Variants in KALRN observed in about 807,000 individuals in gnomAD.
KALRN encodes the protein kalirin.
Under a neutral mutation model 353.7 loss-of-function variants are expected in KALRN, and 70 were observed. The ratio of observed to expected loss-of-function variants is 0.20; its 90% confidence interval spans 0.16 to 0.24. KALRN has a LOEUF of 0.24. Ranked by LOEUF, KALRN falls within the 10% of genes least tolerant of loss-of-function variation. The pLI is 1.00. For missense variants in KALRN, 2,791 were observed against 3,756.7 expected, an observed-to-expected ratio of 0.74 and a Z score of 6.72; for synonymous variants, 1,391 against 1,434.8, an observed-to-expected ratio of 0.97 and a Z score of 0.69.
At position 124,438,994 on chromosome 3, in the gene KALRN, C is replaced by A. The variant is rs1420514784; in HGVS notation, c.3155C>A (p.Pro1052His). 1 of 1,614,016 alleles carries A rather than the reference C, an allele frequency of 6.2e-7. No homozygotes were observed. The highest frequency in any genetic ancestry group is 8.5e-7 in the Non-Finnish European group (1 of 1,180,004). ...GPAAEIDHVI[P>H]LISKHLEQKE... ...GCAGCAGAGATCGACCATGTCATTCCCCTCATCAGCAAACATTTGGAACAA... is the reference window on the plus strand; with the variant it reads ...GCAGCAGAGATCGACCATGTCATTCACCTCATCAGCAAACATTTGGAACAA... Residue 1052 changes from proline to histidine, a missense_variant, in exon 18 of 60, where the codon CCC becomes CAC. Physicochemically the swap from Pro to His is moderately conservative, Grantham distance 77. Coordinates refer to ENST00000682506, the MANE Select transcript of KALRN (RefSeq NM_001388419.1).
At chr3:124,642,872 A>C (rs1436475359) in intron 37 of KALRN, among the ~76,000 whole-genome samples, 1 of 127,684 alleles carries the variant, frequency 7.8e-6, no homozygotes, top group East Asian at 2.9e-4. Flanking sequence ...GCTGGAGTGC[A>C]ATGGCGTGAT....
intron 1 of KALRN, among the ~76,000 whole-genome samples, chr3:124,138,405 G>C (rs1036350741): frequency 2.0e-5 from 3 of 152,162 alleles, no homozygotes; most frequent in African/African-American, 7.2e-5. Context: ...TACCAAAGAG[G>C]TTCTGTTGCC....
intron 10 of KALRN, among the ~76,000 whole-genome samples, chr3:124,366,547 A>G (rs1192264839): frequency 6.7e-6 from 1 of 149,650 alleles, no homozygotes; most frequent in Non-Finnish European, 1.5e-5. Flanking sequence ...ACAGGATCCC[A>G]AGGCAGAAGA....
chr3:124,604,479 G>C (rs12493681), intron 34 of KALRN, among the ~76,000 whole-genome samples: 37,093 of 151,978 alleles, frequency 0.24, 4,712 homozygotes, highest in East Asian at 0.32. Context: ...GTGCTTAATG[G>C]TGGAAAATAG....
At chr3:124,352,979 G>A (rs1022889674) in intron 10 of KALRN, among the ~76,000 whole-genome samples, 2 of 152,056 alleles carry the variant, frequency 1.3e-5, no homozygotes, top group African/African-American at 2.4e-5. Context: ...AAACCTGCAC[G>A]TTGTGCACAC....
At chr3:124,436,952 G>T (rs1418259192) in intron 17 of KALRN, among the ~76,000 whole-genome samples, 1 of 144,992 alleles carries the variant, frequency 6.9e-6, no homozygotes, top group Non-Finnish European at 1.5e-5. Context: ...CTCATGTGAT[G>T]CTAGAGATGG....
chr3:124,671,908 A>G lies in KALRN; in HGVS notation c.6942+10A>G. 1 of 1,573,460 alleles carries G rather than the reference A, an allele frequency of 6.4e-7. No homozygotes were observed. The highest frequency in any genetic ancestry group is 8.7e-7 in the Non-Finnish European group (1 of 1,143,452). On this transcript the variant is annotated intron_variant, in intron 48 of 59. Transcript: ENST00000682506. ...GTTCGAAGCCAGCAAGGTAAGTGAC[A>G]ACTCATTACTCCCACCCTTGTCACT...
At chr3:124,113,572 C>T (rs1172321745) in intron 1 of KALRN, among the ~76,000 whole-genome samples, 1 of 152,218 alleles carries the variant, frequency 6.6e-6, no homozygotes, top group Non-Finnish European at 1.5e-5. Context: ...CAGCTTCAGG[C>T]TGTACCTGTG....
At chr3:124,245,704 C>T (rs2081047933) in intron 3 of KALRN, among the ~76,000 whole-genome samples, 1 of 151,148 alleles carries the variant, frequency 6.6e-6, no homozygotes. Context: ...TTTTTAGTAG[C>T]CATTCTAAAT....
At chr3:124,474,622 T>G in intron 25 of KALRN, 41 bp from the exon 26 acceptor site, 1 of 1,542,638 alleles carries the variant, frequency 6.5e-7, no homozygotes, top group Non-Finnish European at 9.0e-7. Context: ...GGGGGTCAGC[T>G]GCACAGAGGT....
intron 1 of KALRN, among the ~76,000 whole-genome samples, chr3:124,130,912 A>G (rs1333342412): frequency 6.6e-6 from 1 of 152,184 alleles, no homozygotes; most frequent in Non-Finnish European, 1.5e-5. Flanking sequence ...ATATGACCAA[A>G]CAAACCTAAT....
intron 10 of KALRN, among the ~76,000 whole-genome samples, chr3:124,377,946 A>G (rs1346064428): frequency 6.6e-6 from 1 of 152,042 alleles, no homozygotes; most frequent in African/African-American, 2.4e-5. Context: ...TTGTACTTAT[A>G]GTGCATTCCC....
At chr3:124,113,168 C>T (rs1414937400) in intron 1 of KALRN, among the ~76,000 whole-genome samples, 1 of 152,182 alleles carries the variant, frequency 6.6e-6, no homozygotes, top group Non-Finnish European at 1.5e-5. Context: ...AGCTCTACCA[C>T]TTACTATTGT....
At chr3:124,683,597 C>T (rs2061433857) in intron 51 of KALRN, among the ~76,000 whole-genome samples, 1 of 152,176 alleles carries the variant, frequency 6.6e-6, no homozygotes, top group African/African-American at 2.4e-5. Flanking sequence ...AAACAAAACC[C>T]AATACCTCTT....
chr3:124,245,443 A>G (rs1418332463), intron 3 of KALRN, among the ~76,000 whole-genome samples: 1 of 152,226 alleles, frequency 6.6e-6, no homozygotes, highest in Non-Finnish European at 1.5e-5. Flanking sequence ...GTGCTGCAGT[A>G]AACATGGGAG....
intron 1 of KALRN, among the ~76,000 whole-genome samples, chr3:124,143,658 G>T (rs973545402): frequency 6.6e-6 from 1 of 152,148 alleles, no homozygotes; most frequent in African/African-American, 2.4e-5. Context: ...TGGAGAGAGA[G>T]AAACATACCA....
chr3:124,653,023 C>A (rs2083590888), intron 38 of KALRN, among the ~76,000 whole-genome samples: 1 of 152,228 alleles, frequency 6.6e-6, no homozygotes, highest in Non-Finnish European at 1.5e-5. Context: ...TTGCCAAAAT[C>A]CACACCTCTT....
At chr3:124,127,919 A>AT (rs1376682587) in intron 1 of KALRN, among the ~76,000 whole-genome samples, 5 of 151,426 alleles carry the variant, frequency 3.3e-5, no homozygotes, top group African/African-American at 4.9e-5. Context: ...ATGTCTCCTT[A>AT]TTTTTTTTCT....
intron 13 of KALRN, among the ~76,000 whole-genome samples, chr3:124,401,715 G>T (rs2090901221): frequency 6.6e-6 from 1 of 152,070 alleles, no homozygotes; most frequent in Non-Finnish European, 1.5e-5. Flanking sequence ...TTTACAAGGG[G>T]TCTTATTCCC....
Sources: gnomAD v4.1 joint callset for allele counts (sites outside exome capture counted in the v4.1 genomes callset) on GRCh38, gnomAD v4.1.1 for gene constraint, MANE v1.5 for transcripts, NCBI Gene and HGNC (gene_info 2026-07-23, HGNC 2026-07-21) for gene names.